The following HCN1 variants were observed in gnomAD, a reference collection of about 807,000 sequenced individuals.
The protein encoded by HCN1 is hyperpolarization activated cyclic nucleotide gated potassium channel 1.
Under a neutral mutation model 78.9 loss-of-function variants are expected in HCN1, and 13 were observed. The ratio of observed to expected loss-of-function variants is 0.16; its 90% confidence interval spans 0.11 to 0.26. The LOEUF (loss-of-function observed/expected upper bound fraction) is 0.26. Among genes scored for constraint, HCN1 ranks in the 10% least tolerant of loss-of-function variants. The pLI is 1.00. For missense variants in HCN1, 810 were observed against 1,154.3 expected (o/e 0.70, Z 4.32); for synonymous variants, 552 against 455.5 (o/e 1.21, Z -2.70).
At chr5:45,482,551 C>T (rs537623342) in intron 2 of HCN1, among the ~76,000 whole-genome samples, 7 of 152,238 alleles carry the variant, frequency 4.6e-5, no homozygotes, top group South Asian at 2.1e-4. Flanking sequence ...ACCTCCAAAA[C>T]GATTTCTGAG....
chr5:45,675,530 C>T (rs760922812), intron 1 of HCN1, among the ~76,000 whole-genome samples: 1 of 151,794 alleles, frequency 6.6e-6, no homozygotes, highest in Non-Finnish European at 1.5e-5. Flanking sequence ...AAAAATCACA[C>T]AATTATGCCA....
intron 5 of HCN1, among the ~76,000 whole-genome samples, chr5:45,350,436 C>T (rs989611934): frequency 8.5e-5 from 13 of 152,116 alleles, no homozygotes; most frequent in Non-Finnish European, 1.6e-4. Flanking sequence ...TGGGCAAAAA[C>T]TGGAAGCATT....
intron 2 of HCN1, among the ~76,000 whole-genome samples, chr5:45,618,886 A>T (rs1053809264): frequency 6.6e-6 from 1 of 152,034 alleles, no homozygotes; most frequent in Non-Finnish European, 1.5e-5. Flanking sequence ...TTCACTTTTT[A>T]ACATATTGGG....
chr5:45,320,447 G>A (rs1746101974), intron 5 of HCN1, among the ~76,000 whole-genome samples: 1 of 151,700 alleles, frequency 6.6e-6, no homozygotes, highest in African/African-American at 2.4e-5. Context: ...TTCTTGCTGG[G>A]TTTTAGGTAT....
At chr5:45,514,292 G>A (rs993292455) in intron 2 of HCN1, among the ~76,000 whole-genome samples, 3 of 151,900 alleles carry the variant, frequency 2.0e-5, no homozygotes, top group African/African-American at 2.4e-5. Flanking sequence ...AACACATTGC[G>A]CTGTCTTTCC....
intron 3 of HCN1, among the ~76,000 whole-genome samples, chr5:45,458,413 A>C (rs1369073752): frequency 6.6e-6 from 1 of 152,156 alleles, no homozygotes; most frequent in Non-Finnish European, 1.5e-5. Flanking sequence ...GCCCAAACCC[A>C]AGAAAGACGA....
At chr5:45,458,137 A>C (rs963054191) in intron 3 of HCN1, among the ~76,000 whole-genome samples, 16 of 152,130 alleles carry the variant, frequency 1.1e-4, no homozygotes, top group Admixed American at 3.9e-4. Flanking sequence ...AATTATCAAC[A>C]CTACAGTTAC....
intron 1 of HCN1, among the ~76,000 whole-genome samples, chr5:45,670,176 A>G (rs1746122628): frequency 6.6e-6 from 1 of 151,722 alleles, no homozygotes; most frequent in Admixed American, 6.6e-5. Context: ...TATCTGCCAC[A>G]CAGACAGAAG....
chr5:45,512,495 A>G (rs1742434612), intron 2 of HCN1, among the ~76,000 whole-genome samples: 1 of 152,144 alleles, frequency 6.6e-6, no homozygotes, highest in South Asian at 2.1e-4. Flanking sequence ...TGTATAAAAA[A>G]TATTTTATTG....
chr5:45,544,976 G>A (rs1257699288), intron 2 of HCN1, among the ~76,000 whole-genome samples: 1 of 152,070 alleles, frequency 6.6e-6, no homozygotes, highest in African/African-American at 2.4e-5. Flanking sequence ...TAATGGGATG[G>A]CTGGGTCAAA....
chr5:45,523,035 A>C (rs935004994), intron 2 of HCN1, among the ~76,000 whole-genome samples: 1 of 148,026 alleles, frequency 6.8e-6, no homozygotes, highest in African/African-American at 2.5e-5. Flanking sequence ...CAGTCCCCAG[A>C]GTGTGATGTT....
At chr5:45,334,528 A>C (rs1253224003) in intron 5 of HCN1, among the ~76,000 whole-genome samples, 2 of 151,550 alleles carry the variant, frequency 1.3e-5, no homozygotes, top group African/African-American at 2.4e-5. Flanking sequence ...TTTTTCTTAT[A>C]CTTTTTTCCC....
chr5:45,615,167 T>A (rs1580000553), intron 2 of HCN1, among the ~76,000 whole-genome samples: 1 of 152,132 alleles, frequency 6.6e-6, no homozygotes, highest in Non-Finnish European at 1.5e-5. Flanking sequence ...TAGTCAAGTA[T>A]TTATTCACAT....
chr5:45,672,582 A>T (rs1746172362), intron 1 of HCN1, among the ~76,000 whole-genome samples: 1 of 150,804 alleles, frequency 6.6e-6, no homozygotes, highest in Admixed American at 6.6e-5. Flanking sequence ...AAAAAAAAAA[A>T]CTAAAGTAGA....
intron 3 of HCN1, among the ~76,000 whole-genome samples, chr5:45,411,144 G>A (rs1740012965): frequency 6.6e-6 from 1 of 151,986 alleles, no homozygotes; most frequent in Admixed American, 6.6e-5. Flanking sequence ...CTCTCTGTGT[G>A]TGTACATTGG....
At chr5:45,372,137 A>G (rs1247749870) in intron 4 of HCN1, among the ~76,000 whole-genome samples, 7 of 54,286 alleles carry the variant, frequency 1.3e-4, no homozygotes, top group African/African-American at 6.6e-4. Context: ...TATATAATAT[A>G]ATAATATATT....
chr5:45,374,169 T>C (rs1247225272), intron 4 of HCN1, among the ~76,000 whole-genome samples: 2 of 102,364 alleles, frequency 2.0e-5, no homozygotes, highest in Non-Finnish European at 3.9e-5. Context: ...ATTATATACA[T>C]AATATATATT....
chr5:45,296,566 A>G (rs1421577341), intron 6 of HCN1, among the ~76,000 whole-genome samples: 1 of 151,930 alleles, frequency 6.6e-6, no homozygotes, highest in African/African-American at 2.4e-5. Flanking sequence ...AGCAAAATAG[A>G]CTAAAGAAAG....
chr5:45,505,198 T>A (rs551263114), intron 2 of HCN1, among the ~76,000 whole-genome samples: 4 of 152,182 alleles, frequency 2.6e-5, no homozygotes, highest in South Asian at 4.1e-4. Context: ...CTGAATGGTA[T>A]TGCCTAGGTT....
Sources: gnomAD v4.1 joint callset for allele counts (sites outside exome capture counted in the v4.1 genomes callset) on GRCh38, gnomAD v4.1.1 for gene constraint, MANE v1.5 for transcripts, NCBI Gene and HGNC (gene_info 2026-07-23, HGNC 2026-07-21) for gene names.